The following PCDHA3 variants were observed in gnomAD, a reference collection of about 807,000 sequenced individuals.
The protein encoded by PCDHA3 is protocadherin alpha 3.
A neutral mutation model predicts 62.2 loss-of-function variants in PCDHA3; 41 were observed. The ratio of observed to expected loss-of-function variants is 0.66; its 90% CI spans 0.51 to 0.86. The LOEUF is 0.86. Among genes scored for constraint, PCDHA3 ranks in the 40% least tolerant of loss-of-function variants. The pLI, the probability that PCDHA3 is intolerant of heterozygous loss-of-function variation, is 0.00. For synonymous variants in PCDHA3, 640 were observed against 555.4 expected (o/e 1.15, Z -2.14); for missense variants, 1,304 against 1,241.2 (o/e 1.05, Z -0.76).
chr5:140,872,075 C>T (rs1452265862), intron 1 of PCDHA3, among the ~76,000 whole-genome samples: 1 of 152,234 alleles, frequency 6.6e-6, no homozygotes, highest in Non-Finnish European at 1.5e-5. Flanking sequence ...GCTGGGAATG[C>T]AGTGCCACTG....
At chr5:140,812,428 A>G (rs2126638878) in intron 1 of PCDHA3, 1 of 152,080 alleles carries the variant, frequency 6.6e-6, no homozygotes, top group East Asian at 1.9e-4. Context: ...TTTTCAAAAA[A>G]TCAACTAAGT....
At chr5:141,000,608 A>G (rs1554257700) in intron 3 of PCDHA3, among the ~76,000 whole-genome samples, 2 of 150,664 alleles carry the variant, frequency 1.3e-5, no homozygotes, top group African/African-American at 4.9e-5. Context: ...TTGTATTTTT[A>G]GTAGAGACAG....
At position 140,947,211 on chromosome 5, in the gene PCDHA3, T is replaced by A. The variant is rs562676640; in HGVS notation, c.2395-31738T>A. Among the ~76,000 whole-genome samples, 51 of 151,298 alleles carry A rather than the reference T, an allele frequency of 3.4e-4. 1 individual carries two copies. In the South Asian group the frequency reaches 0.011, roughly 32 times the overall value. On this transcript the variant is annotated intron_variant, in intron 1 of 3. Transcript: ENST00000522353. ...ACTACACAGCCTTAAAAAAAGAAAA[T>A]CCTGTCATTTATGACAGGAAAAAAA...
intron 1 of PCDHA3, chr5:140,966,476 C>G: frequency 2.3e-6 from 1 of 432,972 alleles, no homozygotes; most frequent in Non-Finnish European, 4.0e-6. Flanking sequence ...CTTCTGTTTC[C>G]TTTTCCCTCC....
chr5:140,972,905 A>C (rs1188926107), intron 1 of PCDHA3, among the ~76,000 whole-genome samples: 18 of 151,782 alleles, frequency 1.2e-4, no homozygotes, highest in African/African-American at 4.4e-4. Flanking sequence ...CTTGTGATCC[A>C]CCCGCCTTGG....
intron 1 of PCDHA3, chr5:140,876,999 G>C: frequency 6.2e-7 from 1 of 1,612,546 alleles, no homozygotes; most frequent in Non-Finnish European, 8.5e-7. Flanking sequence ...GCTACGTGTC[G>C]GTGCACGCGG....
At chr5:140,933,833 A>C (rs944428844) in intron 1 of PCDHA3, among the ~76,000 whole-genome samples, 1 of 151,928 alleles carries the variant, frequency 6.6e-6, no homozygotes, top group Non-Finnish European at 1.5e-5. Flanking sequence ...TATTGCTCCT[A>C]TTTCATTCCT....
intron 1 of PCDHA3, chr5:140,857,752 C>A: frequency 6.3e-7 from 1 of 1,597,166 alleles, no homozygotes; most frequent in Non-Finnish European, 8.6e-7. Flanking sequence ...TGGCGTCTCC[C>A]GCTGGCAGCG....
chr5:140,850,221 G>T (rs2041438830), intron 1 of PCDHA3: 1 of 1,593,734 alleles, frequency 6.3e-7, no homozygotes, highest in Non-Finnish European at 8.6e-7. Context: ...CACTGACGGC[G>T]CAGTGAGCGA....
intron 1 of PCDHA3, chr5:140,966,508 A>G (rs1288054154): frequency 9.2e-6 from 4 of 434,452 alleles, no homozygotes; most frequent in African/African-American, 4.1e-5. Context: ...TAGCGGCAGC[A>G]GCAGCAGGAA....
intron 1 of PCDHA3, among the ~76,000 whole-genome samples, chr5:140,908,808 A>C (rs781863210): frequency 6.6e-6 from 1 of 152,068 alleles, no homozygotes; most frequent in Non-Finnish European, 1.5e-5. Flanking sequence ...AAAAAGTGAG[A>C]GCCTTTTGGG....
rs145079458 is a variant in PCDHA3, at chr5:140,855,999, T to C, written c.2394+52408T>C. 135 of 1,513,714 alleles carry C rather than the reference T, an allele frequency of 8.9e-5. 2 individuals are homozygous for C. The East Asian group carries it at 2.5e-3, about 28-fold the overall frequency. 93.8% of individuals were successfully genotyped at this position (1,513,714 alleles called of 1,614,324 possible). On this transcript the variant is annotated intron_variant, in intron 1 of 3. Transcript: ENST00000522353. ...AGGACAGAAAATGTCAGATCGTATG[T>C]GCGTTCTAGACCGCTGATTCGTCGA... is the stretch of plus-strand genomic sequence containing the variant.
At chr5:140,887,369 T>C (rs782675531) in intron 1 of PCDHA3, among the ~76,000 whole-genome samples, 1 of 152,200 alleles carries the variant, frequency 6.6e-6, no homozygotes, top group Non-Finnish European at 1.5e-5. Context: ...GTGCTGGGAT[T>C]ACAGGTGTGA....
intron 1 of PCDHA3, chr5:140,850,407 G>C: frequency 6.3e-7 from 1 of 1,597,938 alleles, no homozygotes; most frequent in Non-Finnish European, 8.6e-7. Context: ...GCGTGCCCTG[G>C]ACGAAACGGA....
At chr5:140,811,878 T>C (rs1764980666) in intron 1 of PCDHA3, 2 of 152,210 alleles carry the variant, frequency 1.3e-5, no homozygotes, top group African/African-American at 2.4e-5. Context: ...GTGTTTAGGT[T>C]CTTTGTAGAT....
chr5:140,924,274 T>C (rs904028474), intron 1 of PCDHA3, among the ~76,000 whole-genome samples: 1 of 152,232 alleles, frequency 6.6e-6, no homozygotes, highest in East Asian at 1.9e-4. Flanking sequence ...TCTGTACTTG[T>C]GACTACCTAA....
chr5:140,966,900 G>T, intron 1 of PCDHA3: 1 of 1,598,802 alleles, frequency 6.3e-7, no homozygotes, highest in Non-Finnish European at 8.5e-7. Context: ...TCCCAGCTGC[G>T]ATACTCTGTG....
rs1762849128 is a variant in PCDHA3 at position 140,802,115 on chromosome 5, T to C, written c.918T>C (p.Gly306=). The C allele has an allele frequency of 4.3e-6, 7 of 1,614,016 alleles. No individual in the cohort carries two copies. The highest frequency in any genetic ancestry group is 2.2e-5 in the South Asian group (2 of 91,082). Residue 306 remains glycine (G), a synonymous_variant, in exon 1 of 4, where the codon GGT becomes GGC. Transcript: ENST00000522353. The part of the protein sequence containing the change: ...DPVNGQISVK[G]NIDFEESKSY... ...TCAATGGACAAATCAGTGTAAAGGG[T>C]AACATAGATTTCGAGGAAAGTAAGT...
In PCDHA3 at chr5:140,802,602, C is replaced by G. The variant is rs782651284; in HGVS notation, c.1405C>G (p.Pro469Ala). 3 of 1,613,958 alleles carry G rather than the reference C, an allele frequency of 1.9e-6. No individual in the cohort carries two copies. The East Asian group carries it at 6.7e-5, about 36-fold the overall frequency. The change falls in exon 1 of 4, where the codon CCG becomes GCG. Residue 469 changes from proline to alanine, a missense_variant. By Grantham distance (27) the Pro-to-Ala change is conservative. Transcript: ENST00000522353. Reference sequence around the variant, plus strand: ...CACGGTGTTCGTGAAGGAGAACAACCCGCCGGGCTGCCACATCTTCACGGT... The same window carrying G: ...CACGGTGTTCGTGAAGGAGAACAACGCGCCGGGCTGCCACATCTTCACGGT... The part of the protein sequence containing the change: ...EYTVFVKENN[P>A]PGCHIFTVSA...
Sources: gnomAD v4.1 joint callset for allele counts (sites outside exome capture counted in the v4.1 genomes callset) on GRCh38, gnomAD v4.1.1 for gene constraint, MANE v1.5 for transcripts, NCBI Gene and HGNC (gene_info 2026-07-23, HGNC 2026-07-21) for gene names.